GRK3: variants seen among roughly 807,000 people sequenced by gnomAD.
GRK3 encodes G protein-coupled receptor kinase 3.
GRK3 carries 54 observed loss-of-function variants against 95.7 expected under a neutral mutation model. The ratio of observed to expected loss-of-function variants is 0.56; its 90% CI spans 0.45 to 0.71. The LOEUF (loss-of-function observed/expected upper bound fraction) is 0.71, where lower values mean the gene tolerates loss of function less well. Among genes scored for constraint, GRK3 ranks in the 30% least tolerant of loss-of-function variants. GRK3 has a pLI of 0.00. For synonymous variants in GRK3, 281 were observed against 290.8 expected, an observed-to-expected ratio of 0.97 and a Z score of 0.34; for missense variants, 649 against 851.2, an observed-to-expected ratio of 0.76 and a Z score of 2.96.
chr22:25,656,293 T>A, intron 3 of GRK3, among the ~76,000 whole-genome samples: 1 of 152,282 alleles, frequency 6.6e-6, no homozygotes, highest in Non-Finnish European at 1.5e-5. Context: ...ATAGATTTTT[T>A]CACTGATTCA....
At chr22:25,693,963 G>A (rs183546063) in intron 12 of GRK3, among the ~76,000 whole-genome samples, 121 of 152,004 alleles carry the variant, frequency 8.0e-4, no homozygotes, top group African/African-American at 2.7e-3. Flanking sequence ...GGCTAATTTT[G>A]TATTTTTAGT....
intron 1 of GRK3, among the ~76,000 whole-genome samples, chr22:25,589,909 CT>C (rs201249145): frequency 0.023 from 3,436 of 152,202 alleles, 60 homozygotes; most frequent in Middle Eastern, 0.068. Context: ...GGGAACTCCC[CT>C]TTATAAAACC....
intron 13 of GRK3, among the ~76,000 whole-genome samples, chr22:25,695,542 T>G (rs1245241985): frequency 6.6e-6 from 1 of 152,256 alleles, no homozygotes; most frequent in Non-Finnish European, 1.5e-5. Context: ...GTAGGTAATT[T>G]AAAAAGGTAG....
In GRK3 at chr22:25,645,781, C is replaced by T. The variant is rs911777655; in HGVS notation, c.264+1116C>T. ...ACTAAAATACAAAAAATTAGCCAGG[C>T]GTAGTGGTGGGCGCCTGTAGTCCCA... On this transcript the variant is annotated intron_variant, in intron 3 of 20. Coordinates refer to ENST00000324198, the MANE Select transcript of GRK3 (RefSeq NM_005160.4). Among the ~76,000 whole-genome samples, 19 of 152,138 alleles carry T rather than the reference C, an allele frequency of 1.2e-4. No individual in the cohort carries two copies. In the East Asian group the frequency reaches 2.5e-3, roughly 20 times the overall value.
At chr22:25,689,210 G>A (rs947736078) in intron 11 of GRK3, among the ~76,000 whole-genome samples, 1 of 151,954 alleles carries the variant, frequency 6.6e-6, no homozygotes, top group Non-Finnish European at 1.5e-5. Flanking sequence ...GAAATAACTA[G>A]ACAATAGTTG....
chr22:25,686,904 C>G (rs1480080753), intron 10 of GRK3, among the ~76,000 whole-genome samples: 2 of 152,194 alleles, frequency 1.3e-5, no homozygotes, highest in Non-Finnish European at 2.9e-5. Context: ...ACTGCAATCT[C>G]CACCTTTCAG....
At chr22:25,602,223 G>A (rs757437468) in intron 1 of GRK3, among the ~76,000 whole-genome samples, 3 of 152,184 alleles carry the variant, frequency 2.0e-5, no homozygotes, top group Admixed American at 6.5e-5. Context: ...CATGCTCAAC[G>A]TCATTATTCA....
chr22:25,663,687 A>G lies in GRK3; in HGVS notation c.424A>G (p.Thr142Ala). Reference protein sequence around the residue: ...VQSHLSKKQVTSTLFQPYIEE... With the variant: ...VQSHLSKKQVASTLFQPYIEE... ...AAGTCATTTATCCAAGAAACAAGTG[A>G]CATCAACTCTTTTTCAGGTAAGATA... is the stretch of plus-strand genomic sequence containing the variant. Residue 142 changes from threonine to alanine, a missense_variant, in exon 5 of 21, where the codon ACA (threonine) becomes GCA (alanine). This residue lies in a region of GRK3 where 206 missense variants were observed against 231.4 expected (regional missense o/e 0.89). Coordinates refer to ENST00000324198, the MANE Select transcript of GRK3 (RefSeq NM_005160.4). 1.2e-6 allele frequency: 2 copies of G among 1,610,510 alleles called. No homozygotes were observed. Among genetic ancestry groups the G allele is most frequent in the Middle Eastern group, 1.7e-4 (1 of 6,040 alleles).
At chr22:25,568,137 G>A (rs1931558387) in intron 1 of GRK3, among the ~76,000 whole-genome samples, 2 of 152,216 alleles carry the variant, frequency 1.3e-5, no homozygotes, top group Non-Finnish European at 2.9e-5. Context: ...TGCAGGCCCA[G>A]TTAAAACAGG....
At chr22:25,718,216 T>A in intron 18 of GRK3, 29 bp from the exon 19 acceptor site, 1 of 1,606,380 alleles carries the variant, frequency 6.2e-7, no homozygotes, top group Non-Finnish European at 8.5e-7. Context: ...CAGAGCCTAT[T>A]TAACTCCTAG....
chr22:25,670,429 A>T (rs1174541296), intron 6 of GRK3, among the ~76,000 whole-genome samples: 1 of 151,892 alleles, frequency 6.6e-6, no homozygotes, highest in Non-Finnish European at 1.5e-5. Flanking sequence ...TGAGCCTAGG[A>T]ATTGAGGGTT....
intron 2 of GRK3, among the ~76,000 whole-genome samples, chr22:25,634,106 T>G (rs889355022): frequency 6.6e-6 from 1 of 152,242 alleles, no homozygotes; most frequent in Admixed American, 6.5e-5. Context: ...CTAATTTGAT[T>G]TATTTTATTT....
chr22:25,708,522 A>G (rs2085318087), intron 15 of GRK3, among the ~76,000 whole-genome samples: 1 of 152,168 alleles, frequency 6.6e-6, no homozygotes. Context: ...GGGCTGGGCG[A>G]GATGCCCCAG....
intron 19 of GRK3, 75 bp from the exon 20 acceptor site, chr22:25,721,209 C>T: frequency 1.4e-6 from 1 of 728,408 alleles, no homozygotes; most frequent in South Asian, 1.9e-5. Context: ...CTTGTTCTAA[C>T]TTGGTAGTTT....
chr22:25,621,774 G>A (rs2084587944), intron 2 of GRK3, among the ~76,000 whole-genome samples: 1 of 152,158 alleles, frequency 6.6e-6, no homozygotes, highest in African/African-American at 2.4e-5. Context: ...AAATACCTGT[G>A]AGTTGGGTGA....
At chr22:25,671,464 ACACT>A (rs1186789957) in intron 6 of GRK3, among the ~76,000 whole-genome samples, 1 of 152,276 alleles carries the variant, frequency 6.6e-6, no homozygotes, top group East Asian at 1.9e-4. Flanking sequence ...GATAAAGAAA[ACACT>A]CATCAAGCAG....
Position 25,724,615 on chromosome 22 carries a change from A to G in GRK3, c.*2165A>G, listed in dbSNP as rs1466439562. 6.6e-6 allele frequency: 1 copy of G among 152,190 alleles called. No individual in the cohort carries two copies. The highest frequency in any genetic ancestry group is 1.5e-5 in the Non-Finnish European group (1 of 68,026). 9.4% of individuals were successfully genotyped at this position (152,190 alleles called of 1,614,324 possible). A position where few individuals can be genotyped will look rare whatever the true frequency, so the allele number is the denominator to read the frequency against. ...CAACTCACATTTGATTTGTAATGATATGGTTGAGAAGTACATCTAGATGTC... is the reference window on the plus strand; with the variant it reads ...CAACTCACATTTGATTTGTAATGATGTGGTTGAGAAGTACATCTAGATGTC... On this transcript the variant is annotated 3_prime_UTR_variant, in exon 21 of 21. Transcript: ENST00000324198.
chr22:25,605,483 G>C (rs147005642), intron 2 of GRK3, among the ~76,000 whole-genome samples: 49 of 152,322 alleles, frequency 3.2e-4, no homozygotes, highest in Non-Finnish European at 6.3e-4. Context: ...TAACAAGAGA[G>C]AGAAACTCTG....
intron 3 of GRK3, chr22:25,648,137 G>GAACAA: frequency 4.7e-6 from 3 of 633,216 alleles, no homozygotes; most frequent in East Asian, 2.6e-5. Context: ...TAAGCAAACA[G>GAACAA]AACAAAACAA....
Sources: allele counts gnomAD v4.1 joint callset (sites outside exome capture counted in the v4.1 genomes callset), GRCh38; gene constraint gnomAD v4.1.1; regional missense constraint gnomAD v4.1.1; transcripts MANE v1.5; gene names NCBI Gene and HGNC (gene_info 2026-07-23, HGNC 2026-07-21).